SHISA9: variants seen among roughly 807,000 people sequenced by gnomAD.
SHISA9 encodes the protein shisa family member 9.
In SHISA9, 13 loss-of-function variants were observed where a neutral mutation model predicts 38.0. That is an observed-to-expected ratio of 0.34 (90% CI 0.22 to 0.54). The LOEUF (loss-of-function observed/expected upper bound fraction) is 0.54, where lower values mean the gene tolerates loss of function less well. SHISA9 is among the 20% of genes least tolerant of loss of function. SHISA9 has a pLI of 0.91. For synonymous variants in SHISA9, 275 were observed against 242.0 expected, an observed-to-expected ratio of 1.14 and a Z score of -1.27; for missense variants, 538 against 575.8, an observed-to-expected ratio of 0.93 and a Z score of 0.67.
intron 2 of SHISA9, among the ~76,000 whole-genome samples, chr16:12,953,691 G>A (rs774724778): frequency 5.9e-5 from 9 of 151,932 alleles, no homozygotes; most frequent in Non-Finnish European, 1.3e-4. Context: ...CTGAGACAGT[G>A]GGGGAATATA....
At chr16:13,368,064 A>T in the SHISA9 span, among the ~76,000 whole-genome samples, 6,420 of 152,200 alleles carry the variant, frequency 0.042, 300 homozygotes, top group African/African-American at 0.11. Context: ...TCCTCTAAAA[A>T]ACCTCACAGA....
At chr16:13,516,266 T>A in the SHISA9 span, among the ~76,000 whole-genome samples, 5 of 152,226 alleles carry the variant, frequency 3.3e-5, no homozygotes, top group Non-Finnish European at 1.5e-5. Context: ...CAGGCAGGAT[T>A]CCTGTCTTCA....
intron 2 of SHISA9, among the ~76,000 whole-genome samples, chr16:12,930,080 C>T (rs2071444016): frequency 6.6e-6 from 1 of 152,186 alleles, no homozygotes; most frequent in Non-Finnish European, 1.5e-5. Flanking sequence ...ATCTTGTCTA[C>T]TTGCTCCTTT....
At chr16:13,543,253 C>T in the SHISA9 span, among the ~76,000 whole-genome samples, 1 of 152,058 alleles carries the variant, frequency 6.6e-6, no homozygotes, top group Non-Finnish European at 1.5e-5. Flanking sequence ...GTTAGATGGT[C>T]ATGATATAAA....
intron 2 of SHISA9, among the ~76,000 whole-genome samples, chr16:13,116,233 G>A (rs1006521625): frequency 6.6e-5 from 10 of 152,118 alleles, no homozygotes; most frequent in South Asian, 2.1e-4. Flanking sequence ...GAGAATTAAC[G>A]GTGGATTCTA....
At chr16:13,263,848 A>G in the SHISA9 span, among the ~76,000 whole-genome samples, 2 of 152,200 alleles carry the variant, frequency 1.3e-5, no homozygotes, top group African/African-American at 4.8e-5. Flanking sequence ...CTATTTTAGA[A>G]ACTTCTTGTG....
chr16:13,212,647 G>A (rs2142064869), intron 3 of SHISA9, among the ~76,000 whole-genome samples: 1 of 152,240 alleles, frequency 6.6e-6, no homozygotes, highest in South Asian at 2.1e-4. Context: ...TGACTCTGTG[G>A]ATAAAATTGA....
At chr16:12,929,150 C>T (rs559355874) in intron 2 of SHISA9, among the ~76,000 whole-genome samples, 62 of 152,068 alleles carry the variant, frequency 4.1e-4, no homozygotes, top group South Asian at 6.2e-4. Context: ...CAGATGCTGG[C>T]GAGGTTGAGG....
chr16:13,239,526 A>G lies in SHISA9; in HGVS notation c.*4117A>G, dbSNP rs1306934654. 3.9e-5 allele frequency: 6 copies of G among 152,040 alleles called. No homozygotes were observed. In the East Asian group the frequency reaches 1.2e-3, roughly 29 times the overall value. 9.4% of individuals were successfully genotyped at this position (152,040 alleles called of 1,614,324 possible). ...GTTTCCTGACTTTTTAATGATTGCC[A>G]TTCTAACTGGCGTGAGATGGTATCT... On this transcript the variant is annotated 3_prime_UTR_variant, in exon 5 of 5. Coordinates refer to ENST00000558583, the MANE Select transcript of SHISA9 (RefSeq NM_001145204.3).
At chr16:13,079,163 C>T (rs143021046) in intron 2 of SHISA9, among the ~76,000 whole-genome samples, 41 of 152,246 alleles carry the variant, frequency 2.7e-4, no homozygotes, top group African/African-American at 9.1e-4. Context: ...GCCCTTGGCA[C>T]GTAGAAGACA....
the SHISA9 span, among the ~76,000 whole-genome samples, chr16:13,533,513 T>C: frequency 6.6e-6 from 1 of 152,126 alleles, no homozygotes; most frequent in African/African-American, 2.4e-5. Flanking sequence ...TCTCCAATCT[T>C]AGAAAATTGA....
Position 13,235,502 on chromosome 16 carries a change from A to C in SHISA9, c.*93A>C, listed in dbSNP as rs1165022814. On this transcript the variant is annotated 3_prime_UTR_variant, in exon 5 of 5. Transcript: ENST00000558583. ...CACCCTCCCCATCCTCCCCTAATAC[A>C]TGCGTCCACACACTCACTCTCAACA... The C allele has an allele frequency of 1.1e-5, 15 of 1,349,080 alleles. No homozygotes were observed. Among genetic ancestry groups the C allele is most frequent in the South Asian group, 1.5e-5 (1 of 66,686 alleles). 83.6% of individuals were successfully genotyped at this position (1,349,080 alleles called of 1,614,324 possible).
intron 2 of SHISA9, among the ~76,000 whole-genome samples, chr16:13,182,471 G>A (rs903953919): frequency 2.0e-5 from 3 of 152,140 alleles, no homozygotes; most frequent in African/African-American, 7.2e-5. Context: ...ATGGTGACCG[G>A]TTAGGTTTAT....
chr16:13,133,640 C>T (rs1241751817), intron 2 of SHISA9, among the ~76,000 whole-genome samples: 2 of 152,182 alleles, frequency 1.3e-5, no homozygotes, highest in Non-Finnish European at 2.9e-5. Context: ...GCTGGGTTGG[C>T]TGGTTTCCCC....
At chr16:13,178,575 A>T (rs1054046942) in intron 2 of SHISA9, among the ~76,000 whole-genome samples, 8 of 152,104 alleles carry the variant, frequency 5.3e-5, no homozygotes, top group Non-Finnish European at 8.8e-5. Flanking sequence ...TGGCAGAGTC[A>T]TCTAGCTCCG....
At chr16:13,343,747 A>G in the SHISA9 span, among the ~76,000 whole-genome samples, 1 of 152,180 alleles carries the variant, frequency 6.6e-6, no homozygotes, top group South Asian at 2.1e-4. Flanking sequence ...TGTAAGAAGC[A>G]TCCTGACAGA....
the SHISA9 span, among the ~76,000 whole-genome samples, chr16:13,324,736 T>C: frequency 7.2e-3 from 1,104 of 152,300 alleles, 19 homozygotes; most frequent in African/African-American, 0.026. Flanking sequence ...CCATAGCCCG[T>C]GACACACCCT....
chr16:13,056,707 C>T (rs1450393941), intron 2 of SHISA9, among the ~76,000 whole-genome samples: 2 of 152,334 alleles, frequency 1.3e-5, no homozygotes, highest in East Asian at 3.9e-4. Context: ...TTGCCTTCCG[C>T]TTCACAGTGT....
intron 2 of SHISA9, among the ~76,000 whole-genome samples, chr16:13,055,001 C>G (rs761806627): frequency 6.6e-6 from 1 of 152,158 alleles, no homozygotes; most frequent in Non-Finnish European, 1.5e-5. Context: ...CCAAAGCAAA[C>G]CCCTTTGTCC....
Sources: allele counts gnomAD v4.1 joint callset (sites outside exome capture counted in the v4.1 genomes callset), GRCh38; gene constraint gnomAD v4.1.1; transcripts MANE v1.5; gene names NCBI Gene and HGNC (gene_info 2026-07-23, HGNC 2026-07-21).